Variants in PCDHA7 observed in about 807,000 individuals in gnomAD.
The protein encoded by PCDHA7 is protocadherin alpha 7, also known as protocadherin alpha-7.
In PCDHA7, 37 loss-of-function variants were observed where a neutral mutation model predicts 57.2. That is an observed-to-expected ratio of 0.65 (90% CI 0.50 to 0.85). The LOEUF (loss-of-function observed/expected upper bound fraction) is 0.85. PCDHA7 is among the 40% of genes least tolerant of loss of function. The probability of loss-of-function intolerance (pLI) is 0.00; values close to 1 mark genes in which losing one functional copy is unlikely to be tolerated. For synonymous variants in PCDHA7, 553 were observed against 558.8 expected, an observed-to-expected ratio of 0.99 and a Z score of 0.15; for missense variants, 1,188 against 1,241.8, an observed-to-expected ratio of 0.96 and a Z score of 0.65.
rs138948867 is a variant in PCDHA7 at position 140,849,674 on chromosome 5, C to T, written c.2355+12936C>T. 1.4e-4 allele frequency: 225 copies of T among 1,598,712 alleles called. 14 individuals carry two copies. The African/African-American group carries it at 2.2e-3, about 16-fold the overall frequency. On this transcript the variant is annotated intron_variant, in intron 1 of 3. Coordinates refer to ENST00000525929, the MANE Select transcript of PCDHA7 (RefSeq NM_018910.3). The stretch of plus-strand genomic sequence containing the variant: ...TTACCTGCTCCCTGACGCCCCACGT[C>T]CCCTTCAAGCTGGTGTCCACCTACA...
chr5:141,000,314 A>T (rs2097900305), intron 3 of PCDHA7, among the ~76,000 whole-genome samples: 1 of 145,492 alleles, frequency 6.9e-6, no homozygotes, highest in East Asian at 2.0e-4. Context: ...GTTCAAGACC[A>T]GCTTGGGCAA....
chr5:140,854,223 C>T, intron 1 of PCDHA7: 3 of 631,588 alleles, frequency 4.7e-6, no homozygotes, highest in Non-Finnish European at 5.9e-6. Context: ...TGGACATCTA[C>T]ATTGGGATAT....
intron 1 of PCDHA7, chr5:140,850,986 T>C (rs2041915451): frequency 6.9e-7 from 1 of 1,450,124 alleles, no homozygotes; most frequent in South Asian, 1.6e-5. Context: ...TTTATTCATT[T>C]TTCTAGAAAT....
chr5:140,969,264 C>T, intron 1 of PCDHA7: 1 of 1,614,208 alleles, frequency 6.2e-7, no homozygotes, highest in Non-Finnish European at 8.5e-7. Flanking sequence ...AGGAATCTCA[C>T]AGGCCAAAGT....
rs781833961 is a variant in PCDHA7 at position 140,836,399 on chromosome 5, C to A, written c.2016C>A (p.Ser672Arg). 2 of 1,613,764 alleles carry A rather than the reference C, an allele frequency of 1.2e-6. No homozygotes were observed. The highest frequency in any genetic ancestry group is 8.5e-7 in the Non-Finnish European group (1 of 1,179,846). Residue 672 changes from serine to arginine, a missense_variant, in exon 1 of 4, where the codon AGC (serine) becomes AGA (arginine). Ser to Arg is a moderately radical substitution (Grantham distance 110). Coordinates refer to ENST00000525929, the MANE Select transcript of PCDHA7 (RefSeq NM_018910.3). ...CCGTGCTGGTGTCGCTGGTGGAAAG[C>A]GGCCAGGCACCAAAGGCGTCGTCGC... Reference protein sequence around the residue: ...TATVLVSLVESGQAPKASSRA... With the variant: ...TATVLVSLVERGQAPKASSRA...
intron 1 of PCDHA7, among the ~76,000 whole-genome samples, chr5:140,940,491 C>A (rs1554213409): frequency 6.6e-6 from 1 of 151,752 alleles, no homozygotes; most frequent in Admixed American, 6.6e-5. Context: ...CAAGACAAGT[C>A]TTGCTCCGTC....
At chr5:140,854,746 A>G (rs1562496146) in intron 1 of PCDHA7, 1 of 149,836 alleles carries the variant, frequency 6.7e-6, no homozygotes, top group Non-Finnish European at 1.5e-5. Context: ...CAGCACAGAT[A>G]TATTACATTT....
intron 1 of PCDHA7, among the ~76,000 whole-genome samples, chr5:140,965,094 A>G (rs1289535686): frequency 6.6e-6 from 1 of 152,236 alleles, no homozygotes; most frequent in Non-Finnish European, 1.5e-5. Context: ...TCCAGTCCAT[A>G]GCTAGAAAAT....
At chr5:140,873,336 C>A (rs1436932142) in intron 1 of PCDHA7, among the ~76,000 whole-genome samples, 1 of 152,168 alleles carries the variant, frequency 6.6e-6, no homozygotes, top group African/African-American at 2.4e-5. Flanking sequence ...ATACATTACT[C>A]ATCTCCAGAT....
intron 1 of PCDHA7, among the ~76,000 whole-genome samples, chr5:140,887,546 T>C (rs1554183101): frequency 1.3e-5 from 2 of 152,114 alleles, no homozygotes; most frequent in Non-Finnish European, 2.9e-5. Flanking sequence ...CCACCCCTCA[T>C]GGTTACTGTT....
rs115890668 is a variant in PCDHA7 at position 140,925,958 on chromosome 5, A to G, written c.2356-52991A>G. Among the ~76,000 whole-genome samples, 1,223 of 152,250 alleles carry G rather than the reference A, an allele frequency of 8.0e-3. 5 individuals carry two copies. The highest frequency in any genetic ancestry group is 0.019 in the African/African-American group (788 of 41,548). On this transcript the variant is annotated intron_variant, in intron 1 of 3. Coordinates refer to ENST00000525929, the MANE Select transcript of PCDHA7 (RefSeq NM_018910.3). ...GCCTCTTGGAGAAGGAGAAACTGCT[A>G]TCACGCAAAAAAAAAGCCTTGAGCT... is the stretch of plus-strand genomic sequence containing the variant.
chr5:140,966,968 G>C, intron 1 of PCDHA7: 2 of 1,602,616 alleles, frequency 1.2e-6, no homozygotes, highest in Non-Finnish European at 1.7e-6. Context: ...GCTGGGGCTT[G>C]AGCTGCGGCG....
chr5:140,889,639 G>A (rs1271182789), intron 1 of PCDHA7, among the ~76,000 whole-genome samples: 1 of 151,770 alleles, frequency 6.6e-6, no homozygotes, highest in Non-Finnish European at 1.5e-5. Flanking sequence ...TTTCATTTGT[G>A]TTTGCAGGAG....
At chr5:140,875,304 A>AC in intron 1 of PCDHA7, 4 of 1,416,396 alleles carry the variant, frequency 2.8e-6, no homozygotes, top group Non-Finnish European at 3.7e-6. Flanking sequence ...TTTTCTCCGC[A>AC]CCCACATTCC....
At chr5:141,001,978 A>G (rs1331599524) in intron 3 of PCDHA7, among the ~76,000 whole-genome samples, 1 of 152,166 alleles carries the variant, frequency 6.6e-6, no homozygotes, top group Non-Finnish European at 1.5e-5. Context: ...TCTGCGCGGA[A>G]AGCCTGGAAG....
Position 140,963,207 on chromosome 5 carries a change from C to A in PCDHA7, c.2356-15742C>A, listed in dbSNP as rs180756619. Among the ~76,000 whole-genome samples, 890 of 148,428 alleles carry A rather than the reference C, an allele frequency of 6.0e-3. 8 individuals are homozygous for A. Among genetic ancestry groups the A allele is most frequent in the African/African-American group, 0.021 (788 of 38,366 alleles). On this transcript the variant is annotated intron_variant, in intron 1 of 3. Transcript: ENST00000525929. Reference sequence around the variant, plus strand: ...TAGACTGTGAAAATGAAAAAAAAAACCTCGTGTTTAGAGTAGACACTGTTT... The same window carrying A: ...TAGACTGTGAAAATGAAAAAAAAAAACTCGTGTTTAGAGTAGACACTGTTT...
At chr5:140,997,374 A>G (rs1296402204) in intron 3 of PCDHA7, among the ~76,000 whole-genome samples, 1 of 152,212 alleles carries the variant, frequency 6.6e-6, no homozygotes, top group Non-Finnish European at 1.5e-5. Flanking sequence ...TAGATGATAT[A>G]GCATACTACA....
chr5:140,887,101 C>CT (rs200717289), intron 1 of PCDHA7, among the ~76,000 whole-genome samples: 1,545 of 145,196 alleles, frequency 0.011, 15 homozygotes, highest in African/African-American at 0.022. Flanking sequence ...ATCTTTATCT[C>CT]TTTTTTTTTT....
chr5:140,875,172 C>A (rs999085761), intron 1 of PCDHA7: 1 of 386,866 alleles, frequency 2.6e-6, no homozygotes. Context: ...AAAGTCGAAA[C>A]ATTAGAATTA....
Sources: allele counts gnomAD v4.1 joint callset (sites outside exome capture counted in the v4.1 genomes callset), GRCh38; gene constraint gnomAD v4.1.1; transcripts MANE v1.5; gene names NCBI Gene and HGNC (gene_info 2026-07-23, HGNC 2026-07-21).